ARSB: variants seen among roughly 807,000 people sequenced by gnomAD.
The protein encoded by ARSB is N-acetylgalactosamine-4-sulfatase.
ARSB carries 41 observed loss-of-function variants against 50.9 expected under a neutral mutation model. The ratio of observed to expected loss-of-function variants is 0.81; its 90% CI spans 0.63 to 1.04. ARSB has a LOEUF of 1.04. Among genes scored for constraint, ARSB ranks in the 50% least tolerant of loss-of-function variants. The probability of loss-of-function intolerance (pLI) is 0.00; values close to 1 mark genes in which losing one functional copy is unlikely to be tolerated. For synonymous variants in ARSB, 269 were observed against 284.8 expected (o/e 0.94, Z 0.56); for missense variants, 672 against 693.3 (o/e 0.97, Z 0.35).
At chr5:78,954,334 T>G (rs1751618045) in intron 4 of ARSB, among the ~76,000 whole-genome samples, 1 of 152,160 alleles carries the variant, frequency 6.6e-6, no homozygotes, top group East Asian at 1.9e-4. Flanking sequence ...CACAGTGAAA[T>G]TTCAGAAAAC....
At chr5:78,782,088 T>C in intron 6 of ARSB, 114 bp from the exon 7 acceptor site, 2 of 1,278,142 alleles carry the variant, frequency 1.6e-6, no homozygotes, top group Non-Finnish European at 2.3e-6. Context: ...GGAGTGCAAA[T>C]GTGTATCTTG....
intron 4 of ARSB, among the ~76,000 whole-genome samples, chr5:78,934,169 ATTTCTGGCATCCTG>A (rs1427206610): frequency 6.6e-6 from 1 of 152,230 alleles, no homozygotes; most frequent in African/African-American, 2.4e-5. Context: ...CTTTAATGCC[ATTTCTGGCATCCTG>A]GAACATCAAT....
At chr5:78,897,150 A>G (rs1261385482) in intron 4 of ARSB, among the ~76,000 whole-genome samples, 2 of 152,224 alleles carry the variant, frequency 1.3e-5, no homozygotes, top group Non-Finnish European at 2.9e-5. Context: ...GTTTATGTGT[A>G]AAACATAGAG....
chr5:78,856,520 C>A (rs1471499341), intron 5 of ARSB, among the ~76,000 whole-genome samples: 1 of 152,174 alleles, frequency 6.6e-6, no homozygotes, highest in African/African-American at 2.4e-5. Flanking sequence ...ATTTCTTCCA[C>A]AAAGGTGTGT....
In ARSB at chr5:78,893,704, G is replaced by A. The variant is rs73126647; in HGVS notation, c.899-7877C>T. On this transcript the variant is annotated intron_variant, in intron 4 of 7. Transcript: ENST00000264914. ...TCACAGATCTTGGAGATCTTTAGAT[G>A]AAAGTTGTAAGGTAAGCACAAAATG... Among the ~76,000 whole-genome samples the A allele has an allele frequency of 8.0e-3, 1,213 of 152,306 alleles. 22 individuals carry two copies. The highest frequency in any genetic ancestry group is 0.028 in the African/African-American group (1,165 of 41,566).
At chr5:78,801,424 G>A (rs1021538094) in intron 6 of ARSB, among the ~76,000 whole-genome samples, 2 of 152,204 alleles carry the variant, frequency 1.3e-5, no homozygotes, top group Non-Finnish European at 2.9e-5. Context: ...AGGACTGCTA[G>A]GTCTGGAATG....
rs903226629 is a variant in ARSB, at chr5:78,851,785, T to G, written c.1143-12359A>C. ...TATATTTAGGATAGTTAGCTCTTCT[T>G]GTTGAATTGATCCCTTTACCATTAT... On this transcript the variant is annotated intron_variant, in intron 5 of 7. Transcript: ENST00000264914. 1.2e-4 allele frequency among the ~76,000 whole-genome samples: 18 copies of G among 152,352 alleles called. No homozygotes were observed. In the East Asian group the frequency reaches 1.5e-3, roughly 13 times the overall value.
At chr5:78,875,224 C>G (rs1454891819) in intron 5 of ARSB, among the ~76,000 whole-genome samples, 3 of 151,966 alleles carry the variant, frequency 2.0e-5, no homozygotes, top group African/African-American at 7.3e-5. Flanking sequence ...TAGGGAAAAA[C>G]CCAAAATTTG....
chr5:78,892,852 C>A (rs909149876), intron 4 of ARSB, among the ~76,000 whole-genome samples: 16 of 152,196 alleles, frequency 1.1e-4, no homozygotes, highest in African/African-American at 3.6e-4. Flanking sequence ...ACTAACCAGA[C>A]TTTACATCTT....
At chr5:78,851,601 T>G (rs560313509) in intron 5 of ARSB, among the ~76,000 whole-genome samples, 2 of 152,154 alleles carry the variant, frequency 1.3e-5, no homozygotes, top group Non-Finnish European at 2.9e-5. Flanking sequence ...CTGAGTTCAA[T>G]TCCTGGGTAT....
chr5:78,869,572 A>T (rs1177580367), intron 5 of ARSB, among the ~76,000 whole-genome samples: 2 of 151,406 alleles, frequency 1.3e-5, no homozygotes, highest in Non-Finnish European at 2.9e-5. Context: ...TACTGGGTAC[A>T]TAACGAAATG....
chr5:78,938,877 G>T (rs1396646473), intron 4 of ARSB, among the ~76,000 whole-genome samples: 1 of 152,192 alleles, frequency 6.6e-6, no homozygotes, highest in Non-Finnish European at 1.5e-5. Flanking sequence ...GTAGAAATGT[G>T]TTATTGAACA....
intron 5 of ARSB, among the ~76,000 whole-genome samples, chr5:78,869,564 C>T (rs1318891842): frequency 1.3e-5 from 2 of 150,818 alleles, no homozygotes; most frequent in African/African-American, 2.4e-5. Flanking sequence ...TGAATGACTA[C>T]TGGGTACATA....
Position 78,955,438 on chromosome 5 carries a change from A to C in ARSB, c.755T>G (p.Leu252Trp), listed in dbSNP as rs758986638. The C allele has an allele frequency of 8.1e-6, 13 of 1,614,114 alleles. No individual in the cohort carries two copies. The highest frequency in any genetic ancestry group is 1.1e-5 in the Non-Finnish European group (13 of 1,180,050). Residue 252 changes from leucine to tryptophan, a missense_variant, in exon 4 of 8, where the codon TTG (leucine) becomes TGG (tryptophan). Transcript: ENST00000264914. ...GTCTTGGATAAAGTCATATGGCTTCAAGTATTCCTCAGGGACCTGAAGGGG... is the reference window on the plus strand; with the variant it reads ...GTCTTGGATAAAGTCATATGGCTTCCAGTATTCCTCAGGGACCTGAAGGGG... ...HEPLQVPEEY[L>W]KPYDFIQDKN...
At chr5:78,920,244 T>C (rs938778926) in intron 4 of ARSB, among the ~76,000 whole-genome samples, 24 of 152,200 alleles carry the variant, frequency 1.6e-4, no homozygotes, top group Non-Finnish European at 5.9e-5. Flanking sequence ...TGTGCACTGT[T>C]GGTTCAAAAA....
chr5:78,920,568 C>T (rs1330740737), intron 4 of ARSB, among the ~76,000 whole-genome samples: 3 of 152,074 alleles, frequency 2.0e-5, no homozygotes, highest in African/African-American at 4.8e-5. Context: ...GCCATACCTG[C>T]GGCGGGTTAT....
intron 1 of ARSB, among the ~76,000 whole-genome samples, chr5:78,976,419 CG>C (rs1443008527): frequency 2.6e-5 from 4 of 151,662 alleles, no homozygotes; most frequent in African/African-American, 4.9e-5. Context: ...CCCCTGCCCC[CG>C]GGTCTCAACC....
At chr5:78,855,670 C>G (rs377559574) in intron 5 of ARSB, among the ~76,000 whole-genome samples, 1 of 152,114 alleles carries the variant, frequency 6.6e-6, no homozygotes, top group Non-Finnish European at 1.5e-5. Flanking sequence ...GGGGGAAGCA[C>G]GGACATGTGG....
At chr5:78,844,794 T>C (rs1745372919) in intron 5 of ARSB, among the ~76,000 whole-genome samples, 1 of 152,126 alleles carries the variant, frequency 6.6e-6, no homozygotes, top group Admixed American at 6.5e-5. Flanking sequence ...GGCTAGAGTA[T>C]ATTTCAATAT....
Sources: allele counts gnomAD v4.1 joint callset (sites outside exome capture counted in the v4.1 genomes callset), GRCh38; gene constraint gnomAD v4.1.1; transcripts MANE v1.5; gene names NCBI Gene and HGNC (gene_info 2026-07-23, HGNC 2026-07-21).